PHF24: variants seen among roughly 807,000 people sequenced by gnomAD.
The protein encoded by PHF24 is Galpha inhibitory interacting protein.
A neutral mutation model predicts 42.6 loss-of-function variants in PHF24; 25 were observed. That is an observed-to-expected ratio of 0.59 (90% confidence interval 0.43 to 0.82). The LOEUF (loss-of-function observed/expected upper bound fraction) is 0.82, where lower values mean the gene tolerates loss of function less well. PHF24 is among the 40% of genes least tolerant of loss of function. The probability of loss-of-function intolerance (pLI) is 0.00; values close to 1 mark genes in which losing one functional copy is unlikely to be tolerated. For synonymous variants in PHF24, 185 were observed against 204.8 expected (o/e 0.90, Z 0.83); for missense variants, 470 against 538.1 (o/e 0.87, Z 1.25).
chr9:34,902,558 G>A, the PHF24 span, among the ~76,000 whole-genome samples: 1 of 152,114 alleles, frequency 6.6e-6, no homozygotes, highest in Non-Finnish European at 1.5e-5. Flanking sequence ...GGAGGCTGAG[G>A]TGGGAAGACC....
the PHF24 span, among the ~76,000 whole-genome samples, chr9:34,807,684 T>C: frequency 6.6e-6 from 1 of 152,002 alleles, no homozygotes; most frequent in African/African-American, 2.4e-5. Context: ...GCTAAATAAG[T>C]GATAGGAAGC....
the PHF24 span, among the ~76,000 whole-genome samples, chr9:34,850,222 G>A: frequency 6.6e-6 from 1 of 152,080 alleles, no homozygotes; most frequent in Non-Finnish European, 1.5e-5. Context: ...CATTCTCCCT[G>A]TCACTTTCAG....
At chr9:34,901,823 T>C in the PHF24 span, among the ~76,000 whole-genome samples, 1 of 152,230 alleles carries the variant, frequency 6.6e-6, no homozygotes. Context: ...TAATGGTAGC[T>C]CTGTCACTGT....
chr9:34,856,781 A>G, the PHF24 span, among the ~76,000 whole-genome samples: 1 of 152,344 alleles, frequency 6.6e-6, no homozygotes, highest in Non-Finnish European at 1.5e-5. Context: ...CTGCTTAAAG[A>G]AGCAGTCTGG....
chr9:34,969,627 C>T (rs1389400246), intron 1 of PHF24, among the ~76,000 whole-genome samples: 1 of 149,542 alleles, frequency 6.7e-6, no homozygotes, highest in Non-Finnish European at 1.5e-5. Flanking sequence ...GGCGACAGAG[C>T]GAGACTCTGT....
the PHF24 span, among the ~76,000 whole-genome samples, chr9:34,888,769 C>T: frequency 6.6e-6 from 1 of 152,332 alleles, no homozygotes; most frequent in East Asian, 1.9e-4. Context: ...CTGGCCACTG[C>T]TTCTTATACT....
the PHF24 span, among the ~76,000 whole-genome samples, chr9:34,676,553 G>A: frequency 6.6e-6 from 1 of 152,166 alleles, no homozygotes; most frequent in East Asian, 1.9e-4. Flanking sequence ...TCTACTTCTG[G>A]GTTCCAGGCT....
chr9:34,677,387 C>CTTTT, the PHF24 span, among the ~76,000 whole-genome samples: 3 of 110,944 alleles, frequency 2.7e-5, no homozygotes, highest in African/African-American at 1.1e-4. Flanking sequence ...TCTTTGTAAA[C>CTTTT]TGTTTTTTTT....
chr9:34,974,140 A>T (rs1352288481), intron 3 of PHF24, among the ~76,000 whole-genome samples: 1 of 152,208 alleles, frequency 6.6e-6, no homozygotes, highest in East Asian at 1.9e-4. Flanking sequence ...AGTAGCTGGG[A>T]CTACAGGCAC....
At chr9:34,801,267 AC>A in the PHF24 span, among the ~76,000 whole-genome samples, 1 of 152,210 alleles carries the variant, frequency 6.6e-6, no homozygotes, top group African/African-American at 2.4e-5. Context: ...AACCAGAACT[AC>A]CATTTGACCC....
the PHF24 span, among the ~76,000 whole-genome samples, chr9:34,795,437 AT>A: frequency 6.6e-6 from 1 of 152,204 alleles, no homozygotes; most frequent in Admixed American, 6.5e-5. Flanking sequence ...AAAAGAATTA[AT>A]TGCTAGGAGA....
At chr9:34,701,997 A>G in the PHF24 span, among the ~76,000 whole-genome samples, 2 of 152,176 alleles carry the variant, frequency 1.3e-5, no homozygotes, top group Non-Finnish European at 2.9e-5. The surrounding 1 kb of genome is among the most constrained non-coding windows in gnomAD (Gnocchi z 5.8). Flanking sequence ...CCCGATAGAT[A>G]TCTTACACCA....
At chr9:34,821,786 T>G in the PHF24 span, among the ~76,000 whole-genome samples, 1 of 152,196 alleles carries the variant, frequency 6.6e-6, no homozygotes, top group African/African-American at 2.4e-5. Context: ...TATCTCTCAT[T>G]TTATATCCAC....
chr9:34,956,731 A>AG (rs1216988398), upstream of PHF24, among the ~76,000 whole-genome samples: 4 of 152,230 alleles, frequency 2.6e-5, no homozygotes, highest in African/African-American at 4.8e-5. Flanking sequence ...AAAGAAAGTT[A>AG]GGGGGGGACC....
chr9:34,765,249 T>C, the PHF24 span, among the ~76,000 whole-genome samples: 1 of 152,042 alleles, frequency 6.6e-6, no homozygotes, highest in African/African-American at 2.4e-5. Flanking sequence ...AATTCCTGGG[T>C]ATCCTTGTTA....
the PHF24 span, among the ~76,000 whole-genome samples, chr9:34,878,431 G>A: frequency 6.6e-6 from 1 of 152,226 alleles, no homozygotes; most frequent in Non-Finnish European, 1.5e-5. Context: ...CCTCACCTGG[G>A]AAGCGCAAGG....
the PHF24 span, among the ~76,000 whole-genome samples, chr9:34,831,816 ACAGG>A: frequency 6.6e-6 from 1 of 152,182 alleles, no homozygotes; most frequent in African/African-American, 2.4e-5. Context: ...GAGGCAGTAA[ACAGG>A]CAGCAGGATT....
chr9:34,869,148 C>G, the PHF24 span, among the ~76,000 whole-genome samples: 1 of 152,202 alleles, frequency 6.6e-6, no homozygotes, highest in Admixed American at 6.5e-5. Context: ...TTTATCCAGT[C>G]TACCATTGAT....
chr9:34,709,669 T>A, the PHF24 span: 3 of 1,614,030 alleles, frequency 1.9e-6, no homozygotes, highest in Non-Finnish European at 2.5e-6. Context: ...TGAGAGCGCT[T>A]GCGGGGCAAG....
Sources: gnomAD v4.1 joint callset for allele counts (sites outside exome capture counted in the v4.1 genomes callset) on GRCh38, gnomAD v4.1.1 for gene constraint, Gnocchi (gnomAD v3.1) non-coding constraint, MANE v1.5 for transcripts, NCBI Gene and HGNC (gene_info 2026-07-23, HGNC 2026-07-21) for gene names.